The following TNRC6A variants were observed in gnomAD, a reference collection of about 807,000 sequenced individuals.
The protein encoded by TNRC6A is trinucleotide repeat containing adaptor 6A, also known as trinucleotide repeat-containing gene 6A protein.
A neutral mutation model predicts 221.2 loss-of-function variants in TNRC6A; 44 were observed. The ratio of observed to expected loss-of-function variants is 0.20; its 90% confidence interval spans 0.16 to 0.26. The LOEUF is 0.26. Among genes scored for constraint, TNRC6A ranks in the 10% least tolerant of loss-of-function variants. The pLI, the probability that TNRC6A is intolerant of heterozygous loss-of-function variation, is 1.00. For synonymous variants in TNRC6A, 847 were observed against 838.5 expected, an observed-to-expected ratio of 1.01 and a Z score of -0.18; for missense variants, 2,199 against 2,404.4, an observed-to-expected ratio of 0.91 and a Z score of 1.79.
chr16:24,620,323 T>C (rs974394180), intron 1 of TNRC6A, among the ~76,000 whole-genome samples: 2 of 152,246 alleles, frequency 1.3e-5, no homozygotes, highest in South Asian at 2.1e-4. Context: ...AATAAGAGTA[T>C]CCGTTTGCAA....
chr16:24,771,783 C>A (rs1051520420), intron 4 of TNRC6A, among the ~76,000 whole-genome samples: 1 of 151,992 alleles, frequency 6.6e-6, no homozygotes, highest in African/African-American at 2.4e-5. Flanking sequence ...TCTTGGGAGA[C>A]CCTTTCAGAG....
intron 2 of TNRC6A, among the ~76,000 whole-genome samples, chr16:24,660,279 C>A (rs1297575525): frequency 6.6e-5 from 10 of 152,032 alleles, no homozygotes. Flanking sequence ...CATTCTTATG[C>A]CTTTGCATCC....
intron 2 of TNRC6A, among the ~76,000 whole-genome samples, chr16:24,651,561 A>AC: frequency 6.7e-6 from 1 of 148,520 alleles, no homozygotes; most frequent in Non-Finnish European, 1.5e-5. Flanking sequence ...AAAAAAAAAA[A>AC]AAACATAAAA....
chr16:24,664,869 A>G, intron 2 of TNRC6A: 1 of 455,198 alleles, frequency 2.2e-6, no homozygotes, highest in South Asian at 1.5e-5. Context: ...GTTTTGCATC[A>G]GAGAAAACGT....
intron 2 of TNRC6A, among the ~76,000 whole-genome samples, chr16:24,648,246 T>G (rs1442514974): frequency 6.7e-6 from 1 of 148,374 alleles, no homozygotes; most frequent in African/African-American, 2.5e-5. Flanking sequence ...CTTTAATTTT[T>G]GAGCAATTGT....
intron 2 of TNRC6A, among the ~76,000 whole-genome samples, chr16:24,642,419 T>C (rs1479543470): frequency 1.3e-5 from 2 of 152,126 alleles, no homozygotes; most frequent in African/African-American, 4.8e-5. Flanking sequence ...ATTTCCAGCC[T>C]CTGGGAGGAG....
intron 1 of TNRC6A, among the ~76,000 whole-genome samples, chr16:24,615,966 G>A (rs1900323058): frequency 6.6e-6 from 1 of 150,964 alleles, no homozygotes; most frequent in Admixed American, 6.7e-5. Context: ...GCCAAGACAG[G>A]AGGATTACTT....
At chr16:24,785,541 T>A (rs1280736925) in intron 5 of TNRC6A, among the ~76,000 whole-genome samples, 1 of 152,256 alleles carries the variant, frequency 6.6e-6, no homozygotes, top group Non-Finnish European at 1.5e-5. Context: ...AAATTGTTTT[T>A]TCATGTTGAT....
intron 2 of TNRC6A, among the ~76,000 whole-genome samples, chr16:24,713,761 C>T (rs951596469): frequency 6.6e-6 from 1 of 152,138 alleles, no homozygotes; most frequent in South Asian, 2.1e-4. Context: ...ATTCTCCTGC[C>T]TCAGCCTCCT....
intron 1 of TNRC6A, 40 bp downstream of exon 1, chr16:24,729,886 G>C: frequency 8.0e-7 from 1 of 1,244,046 alleles, no homozygotes; most frequent in Non-Finnish European, 1.0e-6. Flanking sequence ...GGGAGGAGCC[G>C]CGGGCGCTGC....
At chr16:24,801,134 A>G (rs971164046) in intron 11 of TNRC6A, among the ~76,000 whole-genome samples, 3 of 152,218 alleles carry the variant, frequency 2.0e-5, no homozygotes, top group African/African-American at 7.2e-5. Flanking sequence ...CTGGATGTGA[A>G]GCTCAGAATA....
Position 24,791,847 on chromosome 16 carries a change from T to C in TNRC6A, c.3175+30T>C, listed in dbSNP as rs758792918. 5 of 1,474,662 alleles carry C rather than the reference T, an allele frequency of 3.4e-6. No homozygotes were observed. In the South Asian group the frequency reaches 7.4e-5, roughly 22 times the overall value. 91.3% of individuals were successfully genotyped at this position (1,474,662 alleles called of 1,614,324 possible). A position where few individuals can be genotyped will look rare whatever the true frequency, so the allele number is the denominator to read the frequency against. On this transcript the variant is annotated intron_variant, in intron 6 of 24. Coordinates refer to ENST00000395799, the MANE Select transcript of TNRC6A (RefSeq NM_014494.4). ...GTTTCTATTTTATGAAATCAAGCCT[T>C]GTTTTAACTTACTGTTATTATAAGA...
intron 11 of TNRC6A, among the ~76,000 whole-genome samples, chr16:24,802,394 C>T (rs771773784): frequency 1.2e-4 from 19 of 152,010 alleles, no homozygotes; most frequent in Non-Finnish European, 2.5e-4. Flanking sequence ...CAAAAAAATG[C>T]AAAAATTAGC....
chr16:24,738,905 G>T lies in TNRC6A; in HGVS notation c.53+8605G>T, dbSNP rs184224524. On this transcript the variant is annotated intron_variant, in intron 2 of 24. Coordinates refer to ENST00000395799, the MANE Select transcript of TNRC6A (RefSeq NM_014494.4). ...GACTCCCTCTGTTGCCCAGGCTGAC[G>T]TTCAGTGGTGCAATCTCAGCTCACT... is the stretch of plus-strand genomic sequence containing the variant. Among the ~76,000 whole-genome samples, 435 of 152,242 alleles carry T rather than the reference G, an allele frequency of 2.9e-3. 2 individuals carry two copies. The highest frequency in any genetic ancestry group is 4.6e-3 in the Non-Finnish European group (314 of 68,020).
In TNRC6A at chr16:24,706,691, C is replaced by CAA. The variant is rs372757286; in HGVS notation, n.403-44015_403-44014dup. 1.4e-3 allele frequency among the ~76,000 whole-genome samples: 117 copies of CAA among 85,226 alleles called. 2 individuals carry two copies. Among genetic ancestry groups the CAA allele is most frequent in the South Asian group, 3.2e-3 (8 of 2,520 alleles). 55.9% of individuals were successfully genotyped at this position (85,226 alleles called of 152,430 possible). ...TGGGTGACAGAGCGAGACTCTGTCT[C>CAA]AAAAAAAAAAAAAAAAAAAAAGTTT... On this transcript the variant is annotated intron_variant and non_coding_transcript_variant, in intron 2 of 2. Coordinates refer to the TNRC6A transcript ENST00000566108.
At chr16:24,773,514 T>TA (rs1204547649) in intron 4 of TNRC6A, among the ~76,000 whole-genome samples, 2 of 152,366 alleles carry the variant, frequency 1.3e-5, no homozygotes, top group East Asian at 3.9e-4. Flanking sequence ...TTTGCTGCTG[T>TA]ATGGCATGCA....
At chr16:24,704,064 T>G (rs1313737616) in intron 2 of TNRC6A, among the ~76,000 whole-genome samples, 1 of 147,390 alleles carries the variant, frequency 6.8e-6, no homozygotes, top group Non-Finnish European at 1.5e-5. Flanking sequence ...GCCTGGGTGA[T>G]GGAATGAGAC....
chr16:24,776,250 A>G (rs575700728), intron 4 of TNRC6A: 3 of 984,096 alleles, frequency 3.0e-6, no homozygotes, highest in South Asian at 9.4e-5. Flanking sequence ...AAATTTCCCT[A>G]TTTGCAGTTT....
At position 24,804,713 on chromosome 16, in the gene TNRC6A, T is replaced by C; in HGVS notation, c.3846T>C (p.Ile1282=). The part of the protein sequence containing the change: ...ERNPYFDKDG[I]VADESQNMQF... Reference sequence around the variant, plus strand: ...TCTGTCTGTCCAATCAGGATGGCATTGTAGCAGATGAATCCCAAAACATGC... The same window carrying C: ...TCTGTCTGTCCAATCAGGATGGCATCGTAGCAGATGAATCCCAAAACATGC... The change falls in exon 13 of 25, where the codon ATT becomes ATC. Residue 1282 remains isoleucine, a synonymous_variant. Coordinates refer to ENST00000395799, the MANE Select transcript of TNRC6A (RefSeq NM_014494.4). 1 of 1,589,890 alleles carries C rather than the reference T, an allele frequency of 6.3e-7. No homozygotes were observed. Among genetic ancestry groups the C allele is most frequent in the Non-Finnish European group, 8.5e-7 (1 of 1,173,880 alleles).
Sources: gnomAD v4.1 joint callset for allele counts (sites outside exome capture counted in the v4.1 genomes callset) on GRCh38, gnomAD v4.1.1 for gene constraint, MANE v1.5 for transcripts, NCBI Gene and HGNC (gene_info 2026-07-23, HGNC 2026-07-21) for gene names.